KCNJ6: variants seen among roughly 807,000 people sequenced by gnomAD.
The protein encoded by KCNJ6 is G protein-activated inward rectifier potassium channel 2.
A neutral mutation model predicts 34.2 loss-of-function variants in KCNJ6; 9 were observed. The observed-to-expected ratio is 0.26, with a 90% CI of 0.16 to 0.46. KCNJ6 has a LOEUF of 0.46. KCNJ6 is among the 20% of genes least tolerant of loss of function. The pLI is 1.00. For synonymous variants in KCNJ6, 196 were observed against 207.1 expected (o/e 0.95, Z 0.46); for missense variants, 236 against 531.3 (o/e 0.44, Z 5.46).
At chr21:37,897,456 T>C (rs2055794585) in intron 1 of KCNJ6, among the ~76,000 whole-genome samples, 1 of 152,212 alleles carries the variant, frequency 6.6e-6, no homozygotes, top group Non-Finnish European at 1.5e-5. Context: ...ACACTTTCTT[T>C]CTAGAAGCAA....
chr21:37,773,456 G>A (rs1191599298), intron 2 of KCNJ6, among the ~76,000 whole-genome samples: 3 of 152,102 alleles, frequency 2.0e-5, no homozygotes, highest in South Asian at 2.1e-4. Flanking sequence ...TGAGTAGGGA[G>A]CAGAGGGAAG....
chr21:37,913,147 T>G (rs1006193331), intron 1 of KCNJ6, among the ~76,000 whole-genome samples: 2 of 152,182 alleles, frequency 1.3e-5, no homozygotes, highest in Non-Finnish European at 2.9e-5. Flanking sequence ...GTTGTGGTGG[T>G]GGGGGACCTA....
chr21:37,627,484 A>G (rs2054316457), intron 3 of KCNJ6, among the ~76,000 whole-genome samples: 1 of 152,194 alleles, frequency 6.6e-6, no homozygotes, highest in Non-Finnish European at 1.5e-5. Context: ...GTGGGCTCAG[A>G]ATGAGAAACA....
At chr21:37,697,663 T>A (rs903250256) in intron 3 of KCNJ6, among the ~76,000 whole-genome samples, 2 of 152,284 alleles carry the variant, frequency 1.3e-5, no homozygotes, top group East Asian at 3.9e-4. Flanking sequence ...CAAACAATAT[T>A]CCTTGGGGGC....
chr21:37,688,221 A>C lies in KCNJ6; in HGVS notation c.946+25990T>G, dbSNP rs939069206. 3.8e-4 allele frequency among the ~76,000 whole-genome samples: 58 copies of C among 152,200 alleles called. 1 individual carries two copies. The highest frequency in any genetic ancestry group is 1.3e-3 in the African/African-American group (54 of 41,448). On this transcript the variant is annotated intron_variant, in intron 3 of 3. Coordinates refer to ENST00000609713, the MANE Select transcript of KCNJ6 (RefSeq NM_002240.5). ...TGGGATTCCCAGCTCATCTCATTCAAATTCAACCTAAAAAAGAAGCATTAC... is the reference window on the plus strand; with the variant it reads ...TGGGATTCCCAGCTCATCTCATTCACATTCAACCTAAAAAAGAAGCATTAC...
chr21:37,691,947 T>C (rs1176987734), intron 3 of KCNJ6, among the ~76,000 whole-genome samples: 3 of 151,954 alleles, frequency 2.0e-5, no homozygotes, highest in Non-Finnish European at 4.4e-5. Flanking sequence ...AAAAAAAAGG[T>C]TTCTCTAACC....
At chr21:37,643,897 T>G (rs2054392305) in intron 3 of KCNJ6, among the ~76,000 whole-genome samples, 1 of 152,196 alleles carries the variant, frequency 6.6e-6, no homozygotes, top group African/African-American at 2.4e-5. Flanking sequence ...GGAATATAAA[T>G]TTTTCTGTTA....
intron 1 of KCNJ6, among the ~76,000 whole-genome samples, chr21:37,872,591 C>T (rs1422832206): frequency 6.6e-6 from 1 of 152,198 alleles, no homozygotes; most frequent in Non-Finnish European, 1.5e-5. Context: ...CATAACTTTG[C>T]TCCCTCAATC....
rs541227342 is a variant in KCNJ6 at position 37,624,718 on chromosome 21, A to G, written c.*441T>C. 4.6e-4 allele frequency: 80 copies of G among 173,808 alleles called. No homozygotes were observed. The highest frequency in any genetic ancestry group is 7.8e-4 in the Non-Finnish European group (64 of 81,856). 10.8% of individuals were successfully genotyped at this position (173,808 alleles called of 1,614,324 possible). On this transcript the variant is annotated 3_prime_UTR_variant, in exon 4 of 4. Coordinates refer to ENST00000609713, the MANE Select transcript of KCNJ6 (RefSeq NM_002240.5). ...CAAGCACCTCACCCTGTAGTAGATG[A>G]AATGAATTGGGATCCATAAAACTGA...
intron 2 of KCNJ6, among the ~76,000 whole-genome samples, chr21:37,801,376 G>A (rs769919194): frequency 1.3e-5 from 2 of 152,174 alleles, no homozygotes; most frequent in Non-Finnish European, 2.9e-5. Context: ...ACCCCATCCT[G>A]CACAGTTTCA....
At chr21:37,646,291 C>A (rs2054404003) in intron 3 of KCNJ6, among the ~76,000 whole-genome samples, 1 of 152,198 alleles carries the variant, frequency 6.6e-6, no homozygotes, top group African/African-American at 2.4e-5. Flanking sequence ...TAAACCCCCA[C>A]CACGCTACAT....
rs572033998 is a variant in KCNJ6, at chr21:37,902,117, A to T, written c.-28+13767T>A. 7.2e-5 allele frequency among the ~76,000 whole-genome samples: 11 copies of T among 152,370 alleles called. 1 individual carries two copies. In the South Asian group the frequency reaches 1.7e-3, roughly 23 times the overall value. On this transcript the variant is annotated intron_variant, in intron 1 of 3. Coordinates refer to ENST00000609713, the MANE Select transcript of KCNJ6 (RefSeq NM_002240.5). ...AGGAAATATGATTATGCCCAAGGGC[A>T]TGAGGACTTAGGTTCTGAAGATCTT...
In KCNJ6 at chr21:37,714,490, G is replaced by A; in HGVS notation, c.667C>T (p.Arg223Trp). Residue 223 changes from arginine (R) to tryptophan (W), a missense_variant, in exon 3 of 4, where the codon CGG becomes TGG. Physicochemically the swap from Arg to Trp is moderately radical, Grantham distance 101. This residue lies in a region of KCNJ6 where 60 missense variants were observed against 207.3 expected (regional missense o/e 0.29). Transcript: ENST00000609713. This position sits in a 1 kb window ranked among gnomAD's most constrained non-coding sequence, Gnocchi z 5.9. ...MRDGKLCLMFRVGDLRNSHIV... is the reference protein window; with the variant it reads ...MRDGKLCLMFWVGDLRNSHIV... ...TGGGAATTCCTAAGGTCCCCTACCCGGAACATCAGGCACAGTTTCCCATCC... is the reference window on the plus strand; with the variant it reads ...TGGGAATTCCTAAGGTCCCCTACCCAGAACATCAGGCACAGTTTCCCATCC... The A allele has an allele frequency of 6.2e-7, 1 of 1,614,084 alleles. No homozygotes were observed. Among genetic ancestry groups the A allele is most frequent in the Non-Finnish European group, 8.5e-7 (1 of 1,180,012 alleles).
At chr21:37,673,049 C>T (rs2054549208) in intron 3 of KCNJ6, among the ~76,000 whole-genome samples, 2 of 152,260 alleles carry the variant, frequency 1.3e-5, no homozygotes, top group Non-Finnish European at 2.9e-5. Flanking sequence ...ACATTATTCT[C>T]AAAACGTTTT....
chr21:37,879,714 AGTGTGTGTGTGTGTGT>A (rs56736533), intron 1 of KCNJ6, among the ~76,000 whole-genome samples: 8 of 143,376 alleles, frequency 5.6e-5, no homozygotes, highest in South Asian at 2.3e-4. Context: ...CTTGAAATGA[AGTGTGTGTGTGTGTGT>A]GTGTGTGTGT....
At chr21:37,628,398 G>T (rs550257901) in intron 3 of KCNJ6, among the ~76,000 whole-genome samples, 1 of 152,202 alleles carries the variant, frequency 6.6e-6, no homozygotes, top group African/African-American at 2.4e-5. Flanking sequence ...TATAATAAAT[G>T]AAAGAAAAGA....
At chr21:37,814,677 T>A (rs923139208) in intron 2 of KCNJ6, among the ~76,000 whole-genome samples, 1 of 152,036 alleles carries the variant, frequency 6.6e-6, no homozygotes, top group Non-Finnish European at 1.5e-5. Flanking sequence ...GGCGGGTGGA[T>A]CACAAAGTCA....
intron 2 of KCNJ6, among the ~76,000 whole-genome samples, chr21:37,715,848 T>C (rs372134014): frequency 1.3e-5 from 2 of 152,324 alleles, no homozygotes; most frequent in East Asian, 3.9e-4. Flanking sequence ...ACCTTGATCT[T>C]GAACTCCAGC....
intron 1 of KCNJ6, among the ~76,000 whole-genome samples, chr21:37,913,171 G>C (rs529447045): frequency 6.6e-6 from 1 of 152,338 alleles, no homozygotes; most frequent in Admixed American, 6.5e-5. Flanking sequence ...CCAAGGATGA[G>C]AGCAGGGCAA....
Sources: allele counts gnomAD v4.1 joint callset (sites outside exome capture counted in the v4.1 genomes callset), GRCh38; gene constraint gnomAD v4.1.1; regional missense constraint gnomAD v4.1.1; non-coding constraint Gnocchi (gnomAD v3.1); transcripts MANE v1.5; gene names NCBI Gene and HGNC (gene_info 2026-07-23, HGNC 2026-07-21).